The following BCAR3 variants were observed in gnomAD, a reference collection of about 807,000 sequenced individuals.
BCAR3 encodes breast cancer anti-estrogen resistance protein 3.
In BCAR3, 37 loss-of-function variants were observed where a neutral mutation model predicts 80.1. That is an observed-to-expected ratio of 0.46 (90% CI 0.36 to 0.61). The LOEUF is 0.61. BCAR3 is among the 20% of genes least tolerant of loss of function. BCAR3 has a pLI of 0.00. For missense variants in BCAR3, 978 were observed against 1,068.2 expected, an observed-to-expected ratio of 0.92 and a Z score of 1.18; for synonymous variants, 389 against 418.9, an observed-to-expected ratio of 0.93 and a Z score of 0.87.
At chr1:93,636,572 A>C (rs1386515001) in intron 3 of BCAR3, among the ~76,000 whole-genome samples, 1 of 152,300 alleles carries the variant, frequency 6.6e-6, no homozygotes, top group East Asian at 1.9e-4. Flanking sequence ...AACAAAAAAA[A>C]CAGGCATTCC....
intron 7 of BCAR3, among the ~76,000 whole-genome samples, chr1:93,580,937 G>C (rs1673680212): frequency 1.3e-5 from 2 of 152,176 alleles, no homozygotes; most frequent in South Asian, 4.1e-4. Context: ...AAGGCAGGCA[G>C]ATCACTTGAG....
At chr1:93,616,190 C>G (rs1675120567) in intron 3 of BCAR3, among the ~76,000 whole-genome samples, 1 of 152,168 alleles carries the variant, frequency 6.6e-6, no homozygotes, top group Admixed American at 6.5e-5. Flanking sequence ...CTCCAAAATA[C>G]CCAAAGAATT....
intron 2 of BCAR3, among the ~76,000 whole-genome samples, chr1:93,785,448 C>T (rs543692560): frequency 2.6e-5 from 4 of 152,280 alleles, no homozygotes; most frequent in African/African-American, 9.6e-5. Flanking sequence ...TAGGTTTATC[C>T]AATCTTATGA....
intron 2 of BCAR3, among the ~76,000 whole-genome samples, chr1:93,743,790 G>A (rs1333576460): frequency 6.6e-6 from 1 of 152,182 alleles, no homozygotes; most frequent in Non-Finnish European, 1.5e-5. Flanking sequence ...TTTATTTAAT[G>A]TGTCTCTTTG....
intron 2 of BCAR3, among the ~76,000 whole-genome samples, chr1:93,815,376 CATG>C (rs1213049006): frequency 1.3e-5 from 2 of 152,118 alleles, no homozygotes; most frequent in Non-Finnish European, 2.9e-5. Context: ...TCAGCATAAA[CATG>C]ATTAGTTGTT....
At chr1:93,804,136 C>T (rs1653585073) in intron 2 of BCAR3, among the ~76,000 whole-genome samples, 1 of 152,158 alleles carries the variant, frequency 6.6e-6, no homozygotes, top group Admixed American at 6.5e-5. Context: ...CACAGTGAGA[C>T]CCCATCTCTA....
chr1:93,609,608 AAGAGGT>A (rs1186982462), intron 3 of BCAR3, among the ~76,000 whole-genome samples: 1 of 152,192 alleles, frequency 6.6e-6, no homozygotes, highest in Non-Finnish European at 1.5e-5. Context: ...AAGGGGCCAG[AAGAGGT>A]AGGGGTTTGT....
At chr1:93,752,213 C>T (rs1458306551) in intron 2 of BCAR3, among the ~76,000 whole-genome samples, 1 of 152,234 alleles carries the variant, frequency 6.6e-6, no homozygotes, top group Non-Finnish European at 1.5e-5. Flanking sequence ...GTTTGTCCTA[C>T]ATTGAAATCT....
At chr1:93,563,682 GT>G (rs1296429375) in intron 11 of BCAR3, among the ~76,000 whole-genome samples, 1 of 152,052 alleles carries the variant, frequency 6.6e-6, no homozygotes, top group Non-Finnish European at 1.5e-5. Context: ...CCAACCCTTA[GT>G]TTTATCATTT....
chr1:93,566,341 C>G (rs187477285), intron 11 of BCAR3, among the ~76,000 whole-genome samples: 46 of 152,252 alleles, frequency 3.0e-4, no homozygotes, highest in African/African-American at 1.1e-3. Flanking sequence ...TCACCAGGTG[C>G]TTCCTCTTTC....
intron 11 of BCAR3, among the ~76,000 whole-genome samples, chr1:93,564,544 C>G (rs568929484): frequency 6.6e-6 from 1 of 152,222 alleles, no homozygotes; most frequent in Admixed American, 6.5e-5. Context: ...TCCCAAAATG[C>G]TGGGATTACA....
At chr1:93,606,506 A>G (rs1308907770) in intron 3 of BCAR3, among the ~76,000 whole-genome samples, 2 of 152,244 alleles carry the variant, frequency 1.3e-5, no homozygotes, top group Non-Finnish European at 2.9e-5. Flanking sequence ...GGCATTCCAG[A>G]AAGATGACTG....
chr1:93,699,456 A>G (rs1649558426), intron 3 of BCAR3, among the ~76,000 whole-genome samples: 1 of 151,684 alleles, frequency 6.6e-6, no homozygotes, highest in African/African-American at 2.4e-5. Context: ...CCCAACCTCG[A>G]GGATTTCTGT....
At chr1:93,815,555 C>T (rs1653986195) in intron 2 of BCAR3, among the ~76,000 whole-genome samples, 1 of 152,076 alleles carries the variant, frequency 6.6e-6, no homozygotes, top group African/African-American at 2.4e-5. Context: ...GCTGGCGCTG[C>T]AGATTAGGTT....
intron 3 of BCAR3, among the ~76,000 whole-genome samples, chr1:93,637,809 G>T (rs974934890): frequency 2.0e-5 from 3 of 152,128 alleles, no homozygotes; most frequent in African/African-American, 7.2e-5. Context: ...CTGGCTACAA[G>T]ATTTTCCTCT....
intron 3 of BCAR3, among the ~76,000 whole-genome samples, chr1:93,636,039 C>G (rs1675768832): frequency 6.6e-6 from 1 of 152,180 alleles, no homozygotes; most frequent in African/African-American, 2.4e-5. Flanking sequence ...CATAATTACT[C>G]CTTTTTAAAT....
At chr1:93,571,892 A>G (rs766571590) in intron 8 of BCAR3, 51 bp from the exon 9 acceptor site, 130 of 1,562,082 alleles carry the variant, frequency 8.3e-5, no homozygotes, top group Non-Finnish European at 1.1e-4. Context: ...GGACTAGGAG[A>G]AAACTAAACC....
chr1:93,608,636 A>G (rs1010557249), intron 3 of BCAR3, among the ~76,000 whole-genome samples: 1 of 152,196 alleles, frequency 6.6e-6, no homozygotes, highest in Non-Finnish European at 1.5e-5. Flanking sequence ...CTCTCCAACA[A>G]AAACAAGTTC....
intron 3 of BCAR3, among the ~76,000 whole-genome samples, chr1:93,636,997 G>C (rs1400696370): frequency 6.6e-6 from 1 of 152,098 alleles, no homozygotes; most frequent in African/African-American, 2.4e-5. Flanking sequence ...TGAGGGGGCT[G>C]AGGTGGGAGG....
Sources: allele counts gnomAD v4.1 joint callset (sites outside exome capture counted in the v4.1 genomes callset), GRCh38; gene constraint gnomAD v4.1.1; transcripts MANE v1.5; gene names NCBI Gene and HGNC (gene_info 2026-07-23, HGNC 2026-07-21).